GRM7: variants seen among roughly 807,000 people sequenced by gnomAD.
GRM7 encodes the protein metabotropic glutamate receptor 7.
A neutral mutation model predicts 84.5 loss-of-function variants in GRM7; 35 were observed. That is an observed-to-expected ratio of 0.41 (90% CI 0.32 to 0.55). The LOEUF (loss-of-function observed/expected upper bound fraction) is 0.55, where lower values mean the gene tolerates loss of function less well. Among genes scored for constraint, GRM7 ranks in the 20% least tolerant of loss-of-function variants. The pLI is 0.19. For missense variants in GRM7, 1,003 were observed against 1,194.6 expected, an observed-to-expected ratio of 0.84 and a Z score of 2.36; for synonymous variants, 487 against 455.1, an observed-to-expected ratio of 1.07 and a Z score of -0.89.
intron 4 of GRM7, among the ~76,000 whole-genome samples, chr3:7,387,706 G>A (rs1446695984): frequency 1.3e-5 from 2 of 152,150 alleles, no homozygotes; most frequent in African/African-American, 4.8e-5. Context: ...AGGATAACTT[G>A]AAGCCAGTTA....
At chr3:7,505,740 G>C (rs1390999827) in intron 7 of GRM7, among the ~76,000 whole-genome samples, 2 of 152,206 alleles carry the variant, frequency 1.3e-5, no homozygotes, top group African/African-American at 4.8e-5. Flanking sequence ...GGAATGCAGA[G>C]AGCAGAGACC....
At chr3:7,556,872 A>G (rs1440812585) in intron 7 of GRM7, among the ~76,000 whole-genome samples, 2 of 152,166 alleles carry the variant, frequency 1.3e-5, no homozygotes, top group South Asian at 2.1e-4. Context: ...AAAGCCATCC[A>G]TGAGAGAGAG....
intron 7 of GRM7, among the ~76,000 whole-genome samples, chr3:7,534,745 C>G (rs1350596810): frequency 6.6e-6 from 1 of 152,068 alleles, no homozygotes; most frequent in Non-Finnish European, 1.5e-5. Context: ...GAGTATATAT[C>G]TAGTTGTTGG....
In GRM7 at chr3:6,990,351, T is replaced by G. The variant is rs368018652; in HGVS notation, c.519+128444T>G. Among the ~76,000 whole-genome samples the G allele has an allele frequency of 3.3e-5, 5 of 152,210 alleles. No homozygotes were observed. In the East Asian group the frequency reaches 7.7e-4, roughly 23 times the overall value. On this transcript the variant is annotated intron_variant, in intron 1 of 9. Coordinates refer to ENST00000357716, the MANE Select transcript of GRM7 (RefSeq NM_000844.4). ...CTAATGGCAGTATTTCATGGACTCT[T>G]AAGGGGAGTTAGAAAATGGTATTTT...
At chr3:7,298,899 G>C in intron 3 of GRM7, 74 bp downstream of exon 3, 1 of 1,336,044 alleles carries the variant, frequency 7.5e-7, no homozygotes, top group Non-Finnish European at 1.1e-6. Flanking sequence ...GCTGCTGGCT[G>C]AGACAGGAAA....
At chr3:7,525,613 T>C (rs763704668) in intron 7 of GRM7, among the ~76,000 whole-genome samples, 4 of 152,086 alleles carry the variant, frequency 2.6e-5, no homozygotes, top group Non-Finnish European at 1.5e-5. Flanking sequence ...AAGGGTATAC[T>C]GAATGATGCT....
At chr3:7,444,766 T>G (rs1697434994) in intron 5 of GRM7, among the ~76,000 whole-genome samples, 1 of 152,140 alleles carries the variant, frequency 6.6e-6, no homozygotes, top group Admixed American at 6.6e-5. Context: ...ACCTGAAAAT[T>G]GAAAATGGAA....
At chr3:7,010,262 G>A (rs1437996463) in intron 1 of GRM7, among the ~76,000 whole-genome samples, 1 of 152,066 alleles carries the variant, frequency 6.6e-6, no homozygotes, top group Non-Finnish European at 1.5e-5. Context: ...CCCAGCCTGG[G>A]CAACACGGTG....
chr3:7,383,809 A>G (rs888623627), intron 4 of GRM7, among the ~76,000 whole-genome samples: 1 of 152,186 alleles, frequency 6.6e-6, no homozygotes, highest in African/African-American at 2.4e-5. Context: ...GGTATATGAA[A>G]TCTATCTAAA....
At chr3:6,942,833 T>G (rs2125058642) in intron 1 of GRM7, among the ~76,000 whole-genome samples, 1 of 152,264 alleles carries the variant, frequency 6.6e-6, no homozygotes, top group East Asian at 1.9e-4. Flanking sequence ...CAGTTTACAT[T>G]TCCATAAGCA....
intron 2 of GRM7, among the ~76,000 whole-genome samples, chr3:7,207,962 G>A (rs1213887890): frequency 1.3e-5 from 2 of 152,084 alleles, no homozygotes; most frequent in Non-Finnish European, 2.9e-5. Context: ...GAGGCACAAA[G>A]GAGAAATACT....
At chr3:7,668,786 A>T (rs1448808739) in intron 8 of GRM7, among the ~76,000 whole-genome samples, 2 of 152,250 alleles carry the variant, frequency 1.3e-5, no homozygotes, top group African/African-American at 4.8e-5. Flanking sequence ...CGAATTTTGC[A>T]TGGATTTCTC....
At chr3:7,260,962 A>C (rs763319241) in intron 2 of GRM7, among the ~76,000 whole-genome samples, 9 of 151,990 alleles carry the variant, frequency 5.9e-5, no homozygotes, top group Non-Finnish European at 1.3e-4. Flanking sequence ...TTTATGTCTT[A>C]ATTTTATTAT....
chr3:7,474,972 G>A (rs1001645972), intron 7 of GRM7, among the ~76,000 whole-genome samples: 2 of 152,138 alleles, frequency 1.3e-5, no homozygotes, highest in East Asian at 3.9e-4. Context: ...ATTGAAGTTA[G>A]CCCCACATTT....
At chr3:7,543,828 C>T (rs1026539792) in intron 7 of GRM7, among the ~76,000 whole-genome samples, 4 of 152,190 alleles carry the variant, frequency 2.6e-5, no homozygotes, top group African/African-American at 9.6e-5. Context: ...GGGGATGGTG[C>T]TGCACTTGAG....
At chr3:7,721,617 C>A (rs988574577) in intron 9 of GRM7, among the ~76,000 whole-genome samples, 2 of 152,150 alleles carry the variant, frequency 1.3e-5, no homozygotes, top group African/African-American at 4.8e-5. Flanking sequence ...CAGTAGATAT[C>A]CAATTTATTA....
At chr3:7,037,829 A>G (rs1318375963) in intron 1 of GRM7, among the ~76,000 whole-genome samples, 1 of 152,218 alleles carries the variant, frequency 6.6e-6, no homozygotes, top group African/African-American at 2.4e-5. Flanking sequence ...GAGAGTAGTC[A>G]TAGAAACCAC....
chr3:7,287,750 TA>T (rs914908075), intron 2 of GRM7, among the ~76,000 whole-genome samples: 5 of 151,608 alleles, frequency 3.3e-5, no homozygotes, highest in African/African-American at 1.2e-4. Flanking sequence ...ATCTCAAATT[TA>T]AAAAAAAATT....
chr3:6,959,851 T>G lies in GRM7; in HGVS notation c.519+97944T>G, dbSNP rs146847907. On this transcript the variant is annotated intron_variant, in intron 1 of 9. Transcript: ENST00000357716. ...TGTGGTGTCTCTACTGGGAGGTTAGTTTTTTTCACACTTGTGAGTAACAAA... is the reference window on the plus strand; with the variant it reads ...TGTGGTGTCTCTACTGGGAGGTTAGGTTTTTTCACACTTGTGAGTAACAAA... Among the ~76,000 whole-genome samples the G allele has an allele frequency of 1.4e-3, 220 of 152,262 alleles. 2 individuals are homozygous for G. Among genetic ancestry groups the G allele is most frequent in the African/African-American group, 5.1e-3 (213 of 41,560 alleles).
Sources: gnomAD v4.1 joint callset for allele counts (sites outside exome capture counted in the v4.1 genomes callset) on GRCh38, gnomAD v4.1.1 for gene constraint, MANE v1.5 for transcripts, NCBI Gene and HGNC (gene_info 2026-07-23, HGNC 2026-07-21) for gene names.